The following CYYR1 variants were observed in gnomAD, a reference collection of about 807,000 sequenced individuals.
The protein encoded by CYYR1 is cysteine and tyrosine-rich protein 1.
Under a neutral mutation model 15.2 loss-of-function variants are expected in CYYR1, and 14 were observed. That is an observed-to-expected ratio of 0.92 (90% CI 0.61 to 1.44). The LOEUF is 1.44. Among genes scored for constraint, CYYR1 ranks in the 40% most tolerant of loss-of-function variants. The pLI is 0.00. For synonymous variants in CYYR1, 80 were observed against 77.4 expected, an observed-to-expected ratio of 1.03 and a Z score of -0.18; for missense variants, 228 against 209.5, an observed-to-expected ratio of 1.09 and a Z score of -0.54.
At chr21:26,482,528 T>C (rs1362856580) in intron 2 of CYYR1, 4 of 984,974 alleles carry the variant, frequency 4.1e-6, no homozygotes, top group East Asian at 1.1e-4. Flanking sequence ...CTGGACCCAA[T>C]TCTTGCTAAT....
rs781120830 is a variant in CYYR1, at chr21:26,480,376, A to G, written c.230T>C (p.Ile77Thr). Residue 77 changes from isoleucine (I) to threonine (T), a missense_variant, in exon 3 of 4, where the codon ATT becomes ACT. By Grantham distance (89) the Ile-to-Thr change is moderately conservative (BLOSUM62 -1). Transcript: ENST00000652641. ...VFGIVFIMGV[I>T]AGIAICICMC... ...GCAGATGCATATGGCAATCCCAGCA[A>G]TGACCCCCATGATAAATACTATTCC... The G allele has an allele frequency of 5.6e-6, 9 of 1,613,446 alleles. No homozygotes were observed. The African/African-American group carries it at 9.4e-5, about 17-fold the overall frequency.
At chr21:26,473,180 G>A (rs2065057199) in intron 3 of CYYR1, among the ~76,000 whole-genome samples, 1 of 151,992 alleles carries the variant, frequency 6.6e-6, no homozygotes, top group Non-Finnish European at 1.5e-5. Context: ...TGGTAGAACT[G>A]ATGAATCTCA....
chr21:26,556,127 T>C (rs977369327), intron 2 of CYYR1, among the ~76,000 whole-genome samples: 1 of 152,222 alleles, frequency 6.6e-6, no homozygotes, highest in Non-Finnish European at 1.5e-5. Flanking sequence ...TCATTCCTTT[T>C]ACTCTGTAAT....
At chr21:26,477,229 G>A (rs1244147766) in intron 3 of CYYR1, among the ~76,000 whole-genome samples, 1 of 152,136 alleles carries the variant, frequency 6.6e-6, no homozygotes, top group Non-Finnish European at 1.5e-5. Context: ...AAAGCATTTT[G>A]TGTTTCCATA....
chr21:26,472,128 T>C (rs1453567794), intron 3 of CYYR1, among the ~76,000 whole-genome samples: 1 of 152,204 alleles, frequency 6.6e-6, no homozygotes, highest in African/African-American at 2.4e-5. Context: ...CATTTGTGCG[T>C]AGTTGCATCC....
intron 2 of CYYR1, among the ~76,000 whole-genome samples, chr21:26,511,987 TACACACAC>T (rs61382991): frequency 6.8e-6 from 1 of 148,122 alleles, no homozygotes; most frequent in African/African-American, 2.5e-5. Context: ...ATATCACACA[TACACACAC>T]ACACACACAC....
intron 2 of CYYR1, among the ~76,000 whole-genome samples, chr21:26,515,828 A>C (rs2065720589): frequency 6.6e-6 from 1 of 152,224 alleles, no homozygotes; most frequent in African/African-American, 2.4e-5. Flanking sequence ...GTACTAAAAA[A>C]AGGCATAAGT....
chr21:26,505,215 T>G (rs972264611), intron 2 of CYYR1, among the ~76,000 whole-genome samples: 32 of 152,230 alleles, frequency 2.1e-4, no homozygotes, highest in African/African-American at 6.8e-4. Context: ...AATTACACTT[T>G]GTTTTCCATA....
At chr21:26,532,543 A>G (rs1241630567) in intron 2 of CYYR1, among the ~76,000 whole-genome samples, 1 of 152,172 alleles carries the variant, frequency 6.6e-6, no homozygotes, top group Non-Finnish European at 1.5e-5. Flanking sequence ...AATACAGTGT[A>G]TAGAAACCTT....
At chr21:26,570,159 A>C (rs1467842027) in intron 1 of CYYR1, among the ~76,000 whole-genome samples, 1 of 152,234 alleles carries the variant, frequency 6.6e-6, no homozygotes, top group Non-Finnish European at 1.5e-5. Context: ...CACTGGAGAA[A>C]GAACAGATCA....
intron 2 of CYYR1, among the ~76,000 whole-genome samples, chr21:26,558,170 T>C (rs186365348): frequency 6.6e-6 from 1 of 152,192 alleles, no homozygotes; most frequent in Non-Finnish European, 1.5e-5. Flanking sequence ...CTACCAAGTC[T>C]GAATCGGCAT....
chr21:26,476,830 A>T (rs902637949), intron 3 of CYYR1, among the ~76,000 whole-genome samples: 3 of 151,796 alleles, frequency 2.0e-5, no homozygotes, highest in Admixed American at 1.3e-4. Context: ...ACCTGCTTTT[A>T]AAAAAAAGGG....
At chr21:26,551,695 C>T in intron 2 of CYYR1, 1 of 183,700 alleles carries the variant, frequency 5.4e-6, no homozygotes, top group Non-Finnish European at 1.2e-5. Flanking sequence ...AACATAACAG[C>T]AGTTAATTCT....
chr21:26,471,386 C>T (rs1259436072), intron 3 of CYYR1: 3 of 152,160 alleles, frequency 2.0e-5, no homozygotes, highest in Non-Finnish European at 4.4e-5. Flanking sequence ...TGTAACAAAG[C>T]GTTTATATTC....
intron 2 of CYYR1, among the ~76,000 whole-genome samples, chr21:26,562,795 C>T (rs927834466): frequency 1.7e-5 from 2 of 118,502 alleles, no homozygotes; most frequent in East Asian, 4.8e-4. Context: ...CAGAGACATA[C>T]ACAAACACAC....
intron 2 of CYYR1, among the ~76,000 whole-genome samples, chr21:26,488,905 A>T (rs1357985991): frequency 2.0e-5 from 3 of 151,976 alleles, no homozygotes; most frequent in East Asian, 1.9e-4. Context: ...AAACTAGTTT[A>T]AAAAAAATTA....
At chr21:26,553,019 A>C (rs530887184) in intron 2 of CYYR1, among the ~76,000 whole-genome samples, 1 of 152,200 alleles carries the variant, frequency 6.6e-6, no homozygotes, top group Non-Finnish European at 1.5e-5. Context: ...TTCTTCCTGA[A>C]GAACTTTTAC....
At chr21:26,515,454 C>T (rs1005546168) in intron 2 of CYYR1, among the ~76,000 whole-genome samples, 1 of 151,966 alleles carries the variant, frequency 6.6e-6, no homozygotes, top group Non-Finnish European at 1.5e-5. Flanking sequence ...CAACCACTGG[C>T]GTTCAAGTGA....
intron 2 of CYYR1, among the ~76,000 whole-genome samples, chr21:26,563,573 AAAAT>A (rs919200096): frequency 6.6e-6 from 1 of 151,756 alleles, no homozygotes; most frequent in African/African-American, 2.4e-5. Context: ...CTCTGTCTCA[AAAAT>A]AAATAAATAA....
Sources: allele counts gnomAD v4.1 joint callset (sites outside exome capture counted in the v4.1 genomes callset), GRCh38; gene constraint gnomAD v4.1.1; transcripts MANE v1.5; gene names NCBI Gene and HGNC (gene_info 2026-07-23, HGNC 2026-07-21).